The following ASTN1 variants were observed in gnomAD, a reference collection of about 807,000 sequenced individuals.
ASTN1 encodes astrotactin 1.
ASTN1 carries 41 observed loss-of-function variants against 140.7 expected under a neutral mutation model. The observed-to-expected ratio is 0.29, with a 90% CI of 0.23 to 0.38. The LOEUF (loss-of-function observed/expected upper bound fraction) is 0.38, where lower values mean the gene tolerates loss of function less well. Ranked by LOEUF, ASTN1 falls within the 10% of genes least tolerant of loss-of-function variation. The pLI is 1.00. For synonymous variants in ASTN1, 640 were observed against 652.2 expected (o/e 0.98, Z 0.29); for missense variants, 1,479 against 1,678.8 (o/e 0.88, Z 2.08).
In ASTN1 at chr1:176,882,888, T is replaced by C. The variant is rs1668867215; in HGVS notation, c.3333A>G (p.Ile1111Met). ...DKQLTTISLI[I>M]RCLEPDTIYM... Reference sequence around the variant, plus strand: ...AAATGGTGTCAGGTTCCAGGCATCGTATGATCAGAGAGATGGTGGTGAGCT... The same window carrying C: ...AAATGGTGTCAGGTTCCAGGCATCGCATGATCAGAGAGATGGTGGTGAGCT... Residue 1111 changes from isoleucine (I) to methionine (M), a missense_variant, in exon 20 of 23, where the codon ATA becomes ATG. Coordinates refer to ENST00000361833, the MANE Select transcript of ASTN1 (RefSeq NM_004319.3). The C allele has an allele frequency of 6.2e-7, 1 of 1,614,130 alleles. No individual in the cohort carries two copies. Among genetic ancestry groups the C allele is most frequent in the Non-Finnish European group, 8.5e-7 (1 of 1,180,010 alleles).
intron 1 of ASTN1, among the ~76,000 whole-genome samples, chr1:177,101,262 A>G (rs1288922214): frequency 1.3e-5 from 2 of 152,210 alleles, no homozygotes; most frequent in African/African-American, 4.8e-5. Context: ...AAGAATGTTC[A>G]TAGCTGTCCT....
In ASTN1 at chr1:177,000,392, G is replaced by T. The variant is rs79999545; in HGVS notation, c.1523+14399C>A. On this transcript the variant is annotated intron_variant, in intron 8 of 22. Transcript: ENST00000361833. ...AGGCATAATGACAAACTAGGGACAT[G>T]CAAAAGACAGCTAGTAGGATCTTTA... 0.01 allele frequency among the ~76,000 whole-genome samples: 1,539 copies of T among 152,286 alleles called. 50 individuals are homozygous for T. The East Asian group carries it at 0.11, about 11-fold the overall frequency.
chr1:176,945,782 G>C, intron 13 of ASTN1, 144 bp downstream of exon 13: 3 of 726,558 alleles, frequency 4.1e-6, no homozygotes. Flanking sequence ...ACTTGGAGAA[G>C]ACCAAGGGTA....
intron 16 of ASTN1, among the ~76,000 whole-genome samples, chr1:176,930,415 T>C (rs1247904608): frequency 6.6e-6 from 1 of 151,898 alleles, no homozygotes; most frequent in African/African-American, 2.4e-5. Context: ...ACAGCAGAGG[T>C]AGCTGCAAAA....
Position 177,142,913 on chromosome 1 carries a change from G to T in ASTN1, c.283+21481C>A, listed in dbSNP as rs939926773. Among the ~76,000 whole-genome samples the T allele has an allele frequency of 1.3e-4, 20 of 151,576 alleles. 1 individual carries two copies. In the East Asian group the frequency reaches 2.9e-3, roughly 22 times the overall value. ...GGAGGAAAAAAAAAAAGGGGGGGAG[G>T]GGTGCTGAGTTTCAAGAGCCACAAA... On this transcript the variant is annotated intron_variant, in intron 1 of 22. Transcript: ENST00000361833.
intron 1 of ASTN1, among the ~76,000 whole-genome samples, chr1:177,101,110 A>T (rs1012644230): frequency 1.8e-4 from 28 of 152,254 alleles, no homozygotes; most frequent in African/African-American, 4.8e-4. Context: ...AAAAAAATTT[A>T]AAAAAGTGAA....
At chr1:176,934,899 C>T (rs1230836588) in intron 15 of ASTN1, among the ~76,000 whole-genome samples, 1 of 151,950 alleles carries the variant, frequency 6.6e-6, no homozygotes, top group Non-Finnish European at 1.5e-5. Context: ...TAGACATGGG[C>T]AATAAGAAGA....
chr1:177,116,155 G>A (rs778982313), intron 1 of ASTN1, among the ~76,000 whole-genome samples: 4 of 152,004 alleles, frequency 2.6e-5, no homozygotes, highest in African/African-American at 4.8e-5. Context: ...AGCCAACACC[G>A]AGGCAAATGG....
chr1:177,063,324 C>A (rs1335718107), intron 1 of ASTN1, among the ~76,000 whole-genome samples: 1 of 152,168 alleles, frequency 6.6e-6, no homozygotes, highest in Non-Finnish European at 1.5e-5. Flanking sequence ...TGGCCCCTCC[C>A]TAACCACCTA....
intron 1 of ASTN1, among the ~76,000 whole-genome samples, chr1:177,096,414 A>G (rs947289576): frequency 3.3e-5 from 5 of 152,170 alleles, no homozygotes; most frequent in Admixed American, 6.5e-5. Context: ...TTGAAACCCA[A>G]TCATTAATGT....
chr1:177,071,704 G>A (rs1263027325), intron 1 of ASTN1, among the ~76,000 whole-genome samples: 2 of 152,176 alleles, frequency 1.3e-5, no homozygotes, highest in African/African-American at 2.4e-5. Flanking sequence ...GTGGGCATAA[G>A]TGACCTGTAA....
intron 5 of ASTN1, among the ~76,000 whole-genome samples, chr1:177,027,652 T>C (rs996840581): frequency 2.0e-5 from 3 of 151,208 alleles, no homozygotes; most frequent in Non-Finnish European, 4.4e-5. Flanking sequence ...TTATGTGCCA[T>C]TTTCCTTTAC....
At chr1:176,941,198 G>A (rs1158160473) in intron 14 of ASTN1, among the ~76,000 whole-genome samples, 1 of 152,102 alleles carries the variant, frequency 6.6e-6, no homozygotes, top group East Asian at 1.9e-4. Flanking sequence ...AATGTTCCCA[G>A]AACTAGAGAT....
chr1:177,099,918 A>C (rs985347458), intron 1 of ASTN1, among the ~76,000 whole-genome samples: 49 of 152,344 alleles, frequency 3.2e-4, no homozygotes, highest in Middle Eastern at 3.4e-3. Flanking sequence ...GATGTATCAA[A>C]ACCGCTAAAA....
chr1:176,927,300 T>C (rs1224905917), intron 16 of ASTN1, among the ~76,000 whole-genome samples: 1 of 152,062 alleles, frequency 6.6e-6, no homozygotes, highest in South Asian at 2.1e-4. Context: ...CTTATTACAA[T>C]TTGTCCACCC....
chr1:176,997,453 T>A (rs912089857), intron 8 of ASTN1, among the ~76,000 whole-genome samples: 3 of 152,016 alleles, frequency 2.0e-5, no homozygotes, highest in Admixed American at 6.6e-5. Flanking sequence ...AGAGGACTAT[T>A]GTGAGGATCA....
chr1:177,082,065 C>T (rs1187641001), intron 1 of ASTN1, among the ~76,000 whole-genome samples: 2 of 152,116 alleles, frequency 1.3e-5, no homozygotes, highest in Non-Finnish European at 2.9e-5. Flanking sequence ...TCTGGATATG[C>T]TGAGTTTGAC....
intron 8 of ASTN1, among the ~76,000 whole-genome samples, chr1:177,002,942 C>T (rs1674805162): frequency 6.6e-6 from 1 of 151,076 alleles, no homozygotes; most frequent in Admixed American, 6.6e-5. Flanking sequence ...CCTGAACAGA[C>T]CAATAATAAG....
chr1:177,136,126 C>G (rs1298024479), intron 1 of ASTN1, among the ~76,000 whole-genome samples: 1 of 152,158 alleles, frequency 6.6e-6, no homozygotes, highest in Non-Finnish European at 1.5e-5. Context: ...ATAATTTGCT[C>G]TTTGTTTTCA....
Sources: allele counts gnomAD v4.1 joint callset (sites outside exome capture counted in the v4.1 genomes callset), GRCh38; gene constraint gnomAD v4.1.1; transcripts MANE v1.5; gene names NCBI Gene and HGNC (gene_info 2026-07-23, HGNC 2026-07-21).